TAF4: variants seen among roughly 807,000 people sequenced by gnomAD.
TAF4 encodes the protein TATA-box binding protein associated factor 4.
In TAF4, 9 loss-of-function variants were observed where a neutral mutation model predicts 90.3. The ratio of observed to expected loss-of-function variants is 0.10; its 90% CI spans 0.06 to 0.17. The LOEUF is 0.17. Among genes scored for constraint, TAF4 ranks in the 10% least tolerant of loss-of-function variants. TAF4 has a pLI of 1.00. For missense variants in TAF4, 1,351 were observed against 1,370.7 expected (o/e 0.99, Z 0.23); for synonymous variants, 818 against 638.9 (o/e 1.28, Z -4.23).
At chr20:62,054,698 G>A (rs953416308) in intron 1 of TAF4, among the ~76,000 whole-genome samples, 3 of 152,006 alleles carry the variant, frequency 2.0e-5, no homozygotes, top group Admixed American at 6.5e-5. Flanking sequence ...GCCTCTCCCG[G>A]CACTCCTCTC....
At chr20:61,993,586 C>T (rs1468669658) in intron 14 of TAF4, among the ~76,000 whole-genome samples, 1 of 152,190 alleles carries the variant, frequency 6.6e-6, no homozygotes, top group African/African-American at 2.4e-5. Context: ...ACCAGTGTCT[C>T]GCTGCACAAC....
intron 1 of TAF4, among the ~76,000 whole-genome samples, chr20:62,047,168 A>G (rs1379736206): frequency 6.6e-6 from 1 of 152,150 alleles, no homozygotes; most frequent in African/African-American, 2.4e-5. Flanking sequence ...TTACTCATCT[A>G]TTCTTCGACA....
intron 14 of TAF4, 37 bp downstream of exon 14, chr20:61,997,513 T>C (rs762952302): frequency 6.6e-7 from 1 of 1,518,092 alleles, no homozygotes; most frequent in South Asian, 1.3e-5. Flanking sequence ...GTTCCCCATG[T>C]TTCCCCCAGG....
In TAF4 at chr20:62,006,788, G is replaced by A; in HGVS notation, c.1975-30C>T. On this transcript the variant is annotated intron_variant, in intron 6 of 14. Transcript: ENST00000252996. This position sits in a 1 kb window ranked among gnomAD's most constrained non-coding sequence, Gnocchi z 7.0. ...GTGGAAAGACAGACACGAGGGGTCA[G>A]GCGGCTGCTCATGCGTCGGTTTTCC... is the stretch of plus-strand genomic sequence containing the variant. The A allele has an allele frequency of 1.4e-6, 2 of 1,445,732 alleles. No homozygotes were observed. Among genetic ancestry groups the A allele is most frequent in the East Asian group, 2.6e-5 (1 of 38,968 alleles). 89.6% of individuals were successfully genotyped at this position (1,445,732 alleles called of 1,614,324 possible).
chr20:61,982,249 CACACCTACCTG>C (rs2055551220), intron 14 of TAF4, among the ~76,000 whole-genome samples: 8 of 134,406 alleles, frequency 6.0e-5, no homozygotes, highest in Non-Finnish European at 1.1e-4. Context: ...ACACCAAACC[CACACCTACCTG>C]AGAGGAAACA....
chr20:62,006,464 A>C lies in TAF4; in HGVS notation c.2223+46T>G. Reference sequence around the variant, plus strand: ...ATTTATCTAAGAAGCGGGCGGGAGCAGAGGCACGGTGGGCTGTGCAGACCA... The same window carrying C: ...ATTTATCTAAGAAGCGGGCGGGAGCCGAGGCACGGTGGGCTGTGCAGACCA... On this transcript the variant is annotated intron_variant, in intron 7 of 14. Transcript: ENST00000252996. This position sits in a 1 kb window ranked among gnomAD's most constrained non-coding sequence, Gnocchi z 7.0. 1 of 1,374,808 alleles carries C rather than the reference A, an allele frequency of 7.3e-7. No individual in the cohort carries two copies. Among genetic ancestry groups the C allele is most frequent in the Non-Finnish European group, 9.4e-7 (1 of 1,060,446 alleles). 85.2% of individuals were successfully genotyped at this position (1,374,808 alleles called of 1,614,324 possible).
chr20:61,999,076 G>C lies in TAF4; in HGVS notation c.2820C>G (p.Val940=). The change falls in exon 12 of 15, where the codon GTC becomes GTG. Residue 940 remains valine (V), a synonymous_variant. Transcript: ENST00000252996. The part of the protein sequence containing the change: ...DDDRYEQASD[V]RAQLKFFEQL... ...GTTCAAAAAACTTGAGCTGTGCCCG[G>C]ACGTCACTCGCCTGCTCATATCTGT... is the stretch of plus-strand genomic sequence containing the variant. The C allele has an allele frequency of 6.2e-7, 1 of 1,614,124 alleles. No homozygotes were observed. Among genetic ancestry groups the C allele is most frequent in the Non-Finnish European group, 8.5e-7 (1 of 1,180,038 alleles).
intron 1 of TAF4, among the ~76,000 whole-genome samples, chr20:62,034,758 A>C (rs2055922875): frequency 6.6e-6 from 1 of 152,218 alleles, no homozygotes; most frequent in African/African-American, 2.4e-5. Context: ...CTTGATTGAA[A>C]AATATTACAA....
chr20:62,006,350 T>C lies in TAF4; in HGVS notation c.2223+160A>G. 1 of 1,010,566 alleles carries C rather than the reference T, an allele frequency of 9.9e-7. No homozygotes were observed. Among genetic ancestry groups the C allele is most frequent in the Non-Finnish European group, 1.3e-6 (1 of 779,310 alleles). 62.6% of individuals were successfully genotyped at this position (1,010,566 alleles called of 1,614,324 possible). On this transcript the variant is annotated intron_variant, in intron 7 of 14. Transcript: ENST00000252996. The surrounding 1 kb of genome is among the most constrained non-coding windows in gnomAD (Gnocchi z 7.0). Reference sequence around the variant, plus strand: ...AACATCCCAGGGCCTCAACCTCTGGTTTCTATTTTAACTATTTAAGGTAAT... The same window carrying C: ...AACATCCCAGGGCCTCAACCTCTGGCTTCTATTTTAACTATTTAAGGTAAT...
In TAF4 at chr20:62,010,116, G is replaced by A. The variant is rs773262955; in HGVS notation, c.1691C>T (p.Ala564Val). The change falls in exon 4 of 15, where the codon GCG becomes GTG. Residue 564 changes from alanine to valine, a missense_variant. Ala to Val is a moderately conservative substitution (Grantham distance 64). Coordinates refer to ENST00000252996, the MANE Select transcript of TAF4 (RefSeq NM_003185.4). This position sits in a 1 kb window ranked among gnomAD's most constrained non-coding sequence, Gnocchi z 4.5. ...AGGAGTCCCCGTCTGAACAGCCGTC[G>A]CCGTCCCAAGTGAAGCCGTCTGGGC... ...GAAQTASLGTATAVQTGTPQR... is the reference protein window; with the variant it reads ...GAAQTASLGTVTAVQTGTPQR... 52 of 1,613,736 alleles carry A rather than the reference G, an allele frequency of 3.2e-5. No homozygotes were observed. The highest frequency in any genetic ancestry group is 1.2e-4 in the Admixed American group (7 of 59,996).
chr20:62,052,338 A>G (rs2056033843), intron 1 of TAF4, among the ~76,000 whole-genome samples: 1 of 151,684 alleles, frequency 6.6e-6, no homozygotes, highest in African/African-American at 2.4e-5. Context: ...ATCTCTCCTT[A>G]AAATACAAAC....
intron 14 of TAF4, among the ~76,000 whole-genome samples, chr20:61,988,657 T>C (rs2055611335): frequency 6.6e-6 from 1 of 152,214 alleles, no homozygotes; most frequent in Non-Finnish European, 1.5e-5. Flanking sequence ...TTTGTGTGAA[T>C]TGTTACACAG....
intron 1 of TAF4, among the ~76,000 whole-genome samples, chr20:62,053,024 G>A (rs2056038606): frequency 6.6e-6 from 1 of 152,090 alleles, no homozygotes; most frequent in Non-Finnish European, 1.5e-5. Context: ...TGTGACCCAA[G>A]GCAGGTGGCA....
chr20:62,006,744 G>A lies in TAF4; in HGVS notation c.1989C>T (p.Ala663=), dbSNP rs750848655. ...CGGAGTCGGGGGTCAGCTGTCTCAA[G>A]GCGGGTAAGCTCCTCTGGGTGGAAA... is the stretch of plus-strand genomic sequence containing the variant. The part of the protein sequence containing the change: ...LVPFLKRSLP[A]LRQLTPDSAA... The change falls in exon 7 of 15, where the codon GCC becomes GCT. Residue 663 remains alanine (A), a synonymous_variant. Coordinates refer to ENST00000252996, the MANE Select transcript of TAF4 (RefSeq NM_003185.4). The surrounding 1 kb of genome is among the most constrained non-coding windows in gnomAD (Gnocchi z 7.0). The A allele has an allele frequency of 2.5e-5, 39 of 1,530,908 alleles. 1 individual carries two copies. In the South Asian group the frequency reaches 3.5e-4, roughly 14 times the overall value. The allele number at this position is 1,530,908 out of a possible 1,614,324, so 94.8% of individuals were successfully genotyped here. A position where few individuals can be genotyped will look rare whatever the true frequency, so the allele number is the denominator to read the frequency against.
At chr20:62,024,038 A>C (rs1299784460) in intron 1 of TAF4, among the ~76,000 whole-genome samples, 5 of 152,104 alleles carry the variant, frequency 3.3e-5, no homozygotes, top group Admixed American at 3.3e-4. Context: ...AGATCACCCC[A>C]CTACACTCCA....
rs528289686 is a variant in TAF4, at chr20:62,006,672, C to T, written c.2061G>A (p.Ser687=). 46 of 1,594,332 alleles carry T rather than the reference C, an allele frequency of 2.9e-5. No individual in the cohort carries two copies. The South Asian group carries it at 3.9e-4, about 14-fold the overall frequency. The change falls in exon 7 of 15, where the codon TCG becomes TCA. Residue 687 remains serine, a synonymous_variant. Transcript: ENST00000252996. This position sits in a 1 kb window ranked among gnomAD's most constrained non-coding sequence, Gnocchi z 7.0. ...QSQQQPPPPT[S]QATTALTAVV... ...CGGCCGTGAGCGCAGTGGTGGCCTG[C>T]GAGGTGGGCGGTGGCGGCTGCTGCT...
At chr20:62,002,309 G>C (rs28382094) in intron 9 of TAF4, among the ~76,000 whole-genome samples, 4,578 of 152,208 alleles carry the variant, frequency 0.03, 89 homozygotes, top group Non-Finnish European at 0.047. Context: ...GATGCCTTTA[G>C]GGATGAAGTG....
intron 4 of TAF4, among the ~76,000 whole-genome samples, chr20:62,009,440 A>C (rs2055765741): frequency 6.6e-6 from 1 of 152,248 alleles, no homozygotes; most frequent in Non-Finnish European, 1.5e-5. Context: ...AAAAGTGAAA[A>C]GAGACTCTGC....
At position 61,976,308 on chromosome 20, in the gene TAF4, C is replaced by G; in HGVS notation, c.3118G>C (p.Gly1040Arg). The G allele has an allele frequency of 6.2e-7, 1 of 1,613,734 alleles. No homozygotes were observed. The highest frequency in any genetic ancestry group is 8.5e-7 in the Non-Finnish European group (1 of 1,180,024). ...CTGGGGGTTCCGACACCCGAGCTGC[C>G]TGGGACCACTGAGCCGGGGCCCGAC... ...EGSGPGSVVP[G>R]SSGVGTPRQF... Residue 1040 changes from glycine to arginine, a missense_variant, in exon 15 of 15, where the codon GGC becomes CGC. Gly to Arg is a moderately radical substitution (Grantham distance 125). Coordinates refer to ENST00000252996, the MANE Select transcript of TAF4 (RefSeq NM_003185.4).
Sources: gnomAD v4.1 joint callset for allele counts (sites outside exome capture counted in the v4.1 genomes callset) on GRCh38, gnomAD v4.1.1 for gene constraint, Gnocchi (gnomAD v3.1) non-coding constraint, MANE v1.5 for transcripts, NCBI Gene and HGNC (gene_info 2026-07-23, HGNC 2026-07-21) for gene names.